Variants in FRMD4A observed in about 807,000 individuals in gnomAD.
FRMD4A encodes FERM domain containing 4A.
FRMD4A carries 29 observed loss-of-function variants against 129.1 expected under a neutral mutation model. The ratio of observed to expected loss-of-function variants is 0.22; its 90% confidence interval spans 0.17 to 0.31. The LOEUF is 0.31. Among genes scored for constraint, FRMD4A ranks in the 10% least tolerant of loss-of-function variants. The probability of loss-of-function intolerance (pLI) is 1.00; values close to 1 mark genes in which losing one functional copy is unlikely to be tolerated. For missense variants in FRMD4A, 1,272 were observed against 1,375.8 expected (o/e 0.92, Z 1.19); for synonymous variants, 634 against 571.6 (o/e 1.11, Z -1.56).
intron 2 of FRMD4A, among the ~76,000 whole-genome samples, chr10:14,230,220 CT>C (rs982604953): frequency 3.3e-5 from 5 of 152,162 alleles, no homozygotes; most frequent in African/African-American, 1.2e-4. Context: ...CCTCTCCCCC[CT>C]AGCATCTTGG....
At chr10:14,300,889 T>C (rs2132089429) in intron 2 of FRMD4A, among the ~76,000 whole-genome samples, 1 of 152,288 alleles carries the variant, frequency 6.6e-6, no homozygotes, top group Admixed American at 6.5e-5. Context: ...ACCCCTGGAA[T>C]ATCATGTTTC....
intron 2 of FRMD4A, among the ~76,000 whole-genome samples, chr10:14,032,072 A>G (rs1029449468): frequency 4.6e-5 from 7 of 152,186 alleles, no homozygotes; most frequent in African/African-American, 7.2e-5. Context: ...CCTCTTGAGT[A>G]GCTGGGACTT....
At chr10:14,049,839 A>G (rs1419525530) in intron 2 of FRMD4A, among the ~76,000 whole-genome samples, 1 of 152,220 alleles carries the variant, frequency 6.6e-6, no homozygotes. Context: ...TGGGCAACAG[A>G]GTGAGACTCC....
chr10:13,799,735 C>G (rs539087711), intron 4 of FRMD4A, among the ~76,000 whole-genome samples: 16 of 152,068 alleles, frequency 1.1e-4, no homozygotes, highest in Non-Finnish European at 2.1e-4. Context: ...GAATGTTTAG[C>G]CATTGTGCAA....
At chr10:13,895,764 A>G (rs1212309409) in intron 2 of FRMD4A, among the ~76,000 whole-genome samples, 1 of 152,218 alleles carries the variant, frequency 6.6e-6, no homozygotes, top group Non-Finnish European at 1.5e-5. Context: ...TTTGCAATCT[A>G]CCCATCTGAC....
intron 2 of FRMD4A, among the ~76,000 whole-genome samples, chr10:14,252,296 G>A (rs894178970): frequency 7.9e-5 from 12 of 152,092 alleles, no homozygotes; most frequent in Non-Finnish European, 2.9e-5. Context: ...ACATATGAAC[G>A]TTGAAGCGAT....
intron 12 of FRMD4A, among the ~76,000 whole-genome samples, chr10:13,713,120 T>A (rs1317928298): frequency 6.6e-6 from 1 of 152,202 alleles, no homozygotes; most frequent in East Asian, 1.9e-4. Context: ...CCGCTGCCCC[T>A]GAGGCTGAGT....
intron 2 of FRMD4A, among the ~76,000 whole-genome samples, chr10:14,140,767 A>G (rs1275854047): frequency 6.6e-6 from 1 of 152,006 alleles, no homozygotes. Context: ...ACATGTAGGT[A>G]TATATATATA....
intron 3 of FRMD4A, among the ~76,000 whole-genome samples, chr10:13,845,453 C>T (rs1460514740): frequency 2.0e-5 from 3 of 152,150 alleles, no homozygotes; most frequent in Non-Finnish European, 2.9e-5. Context: ...TGCATGAAAT[C>T]GTATAGAAGA....
At chr10:13,893,368 C>A (rs1327552644) in intron 2 of FRMD4A, among the ~76,000 whole-genome samples, 1 of 152,086 alleles carries the variant, frequency 6.6e-6, no homozygotes. Context: ...AATGCAAAAC[C>A]CCATTTTTTG....
At chr10:13,745,371 T>A (rs1466653307) in intron 9 of FRMD4A, among the ~76,000 whole-genome samples, 1 of 152,160 alleles carries the variant, frequency 6.6e-6, no homozygotes, top group Non-Finnish European at 1.5e-5. Context: ...GTCTGGGCTG[T>A]GATGCTGACT....
chr10:14,012,108 G>C (rs1233238914), intron 2 of FRMD4A, among the ~76,000 whole-genome samples: 2 of 151,962 alleles, frequency 1.3e-5, no homozygotes, highest in Non-Finnish European at 2.9e-5. Context: ...GGATGACACG[G>C]TACCCTCAGC....
intron 2 of FRMD4A, among the ~76,000 whole-genome samples, chr10:14,155,471 A>G (rs1840550810): frequency 6.6e-6 from 1 of 152,182 alleles, no homozygotes; most frequent in Admixed American, 6.5e-5. Context: ...TTAAAACTCC[A>G]GGGCTTAGCG....
chr10:14,026,892 C>G (rs978788242), intron 2 of FRMD4A, among the ~76,000 whole-genome samples: 1 of 152,184 alleles, frequency 6.6e-6, no homozygotes, highest in African/African-American at 2.4e-5. Context: ...CAACATTGTT[C>G]TAGTTTTCCA....
chr10:14,091,626 G>T (rs1836666907), intron 2 of FRMD4A, among the ~76,000 whole-genome samples: 1 of 152,096 alleles, frequency 6.6e-6, no homozygotes, highest in South Asian at 2.1e-4. Context: ...GTAGAGATGG[G>T]GTTTCACCAT....
intron 2 of FRMD4A, among the ~76,000 whole-genome samples, chr10:14,005,538 T>C (rs1348814412): frequency 6.6e-6 from 1 of 152,222 alleles, no homozygotes; most frequent in African/African-American, 2.4e-5. Context: ...GGGACAGGAC[T>C]GTCAGTGTCC....
intron 21 of FRMD4A, among the ~76,000 whole-genome samples, chr10:13,657,788 G>GTTT (rs10695622): frequency 6.3e-4 from 90 of 143,328 alleles, no homozygotes; most frequent in African/African-American, 1.6e-3. Flanking sequence ...CGATTTCTGG[G>GTTT]TTTTTTTTTT....
chr10:13,991,437 T>A (rs916121845), intron 2 of FRMD4A, among the ~76,000 whole-genome samples: 2 of 152,206 alleles, frequency 1.3e-5, no homozygotes, highest in Non-Finnish European at 2.9e-5. Flanking sequence ...GGACCCCCTC[T>A]GTTCTTCCCA....
intron 2 of FRMD4A, among the ~76,000 whole-genome samples, chr10:13,883,102 C>G (rs2094566206): frequency 6.6e-6 from 1 of 152,088 alleles, no homozygotes; most frequent in African/African-American, 2.4e-5. Context: ...CTGCACCCAG[C>G]CAGTTTATGG....
Sources: gnomAD v4.1 joint callset for allele counts (sites outside exome capture counted in the v4.1 genomes callset) on GRCh38, gnomAD v4.1.1 for gene constraint, MANE v1.5 for transcripts, NCBI Gene and HGNC (gene_info 2026-07-23, HGNC 2026-07-21) for gene names.